The following CRADD variants were observed in gnomAD, a reference collection of about 807,000 sequenced individuals.
CRADD encodes the protein CARD and death domain containing adaptor protein.
A neutral mutation model predicts 15.5 loss-of-function variants in CRADD; 9 were observed. The observed-to-expected ratio is 0.58, with a 90% CI of 0.35 to 1.01. The LOEUF (loss-of-function observed/expected upper bound fraction) is 1.01. Ranked by LOEUF, CRADD falls within the 50% of genes least tolerant of loss-of-function variation. The pLI, the probability that CRADD is intolerant of heterozygous loss-of-function variation, is 0.02. For synonymous variants in CRADD, 118 were observed against 107.6 expected, an observed-to-expected ratio of 1.10 and a Z score of -0.60; for missense variants, 227 against 250.3, an observed-to-expected ratio of 0.91 and a Z score of 0.63.
Position 93,863,596 on chromosome 12 carries a change from T to TTGTGTGTGTGTG in CRADD, c.299-30417_299-30406dup, listed in dbSNP as rs1157061528. Among the ~76,000 whole-genome samples, 595 of 124,834 alleles carry TTGTGTGTGTGTG rather than the reference T, an allele frequency of 4.8e-3. 13 individuals carry two copies. The highest frequency in any genetic ancestry group is 0.017 in the East Asian group (67 of 4,026). 81.9% of individuals were successfully genotyped at this position (124,834 alleles called of 152,430 possible). On this transcript the variant is annotated intron_variant, in intron 2 of 2. Transcript: ENST00000548483. The stretch of plus-strand genomic sequence containing the variant: ...GGCCTTTGAAAATGTGTGGAGGCAT[T>TTGTGTGTGTGTG]TGTGTGTGTGTGTGTGTGTGTGTGT...
chr12:93,813,529 A>G (rs1354403048), intron 2 of CRADD, among the ~76,000 whole-genome samples: 1 of 152,138 alleles, frequency 6.6e-6, no homozygotes, highest in East Asian at 1.9e-4. Flanking sequence ...TTCACATTAT[A>G]TGTGTCAGTT....
At chr12:93,869,514 AC>A (rs1958400382) in intron 2 of CRADD, among the ~76,000 whole-genome samples, 1 of 152,218 alleles carries the variant, frequency 6.6e-6, no homozygotes, top group African/African-American at 2.4e-5. Flanking sequence ...TACAGAATTT[AC>A]AGGAAACAAT....
At chr12:93,697,494 T>C (rs989074738) in intron 2 of CRADD, among the ~76,000 whole-genome samples, 6 of 152,258 alleles carry the variant, frequency 3.9e-5, no homozygotes, top group South Asian at 2.1e-4. Context: ...CAATCTGTGA[T>C]ATTTTGTTAT....
intron 2 of CRADD, among the ~76,000 whole-genome samples, chr12:93,726,713 G>C (rs947639764): frequency 6.6e-6 from 1 of 151,780 alleles, no homozygotes; most frequent in African/African-American, 2.4e-5. Context: ...CTGCTGTGGA[G>C]CTTACCAGCT....
chr12:93,873,973 A>T (rs989393504), intron 2 of CRADD, among the ~76,000 whole-genome samples: 2 of 151,978 alleles, frequency 1.3e-5, no homozygotes, highest in Non-Finnish European at 2.9e-5. Flanking sequence ...TGAGTTTGGA[A>T]GTAGTCCCTC....
chr12:93,801,128 A>G (rs1957472598), intron 2 of CRADD, among the ~76,000 whole-genome samples: 1 of 152,242 alleles, frequency 6.6e-6, no homozygotes, highest in Admixed American at 6.5e-5. Flanking sequence ...AAAGCCTGTC[A>G]GTCCCATGTG....
At chr12:93,732,968 C>T (rs1226826536) in intron 2 of CRADD, among the ~76,000 whole-genome samples, 1 of 152,164 alleles carries the variant, frequency 6.6e-6, no homozygotes, top group Non-Finnish European at 1.5e-5. Context: ...TGGTTCTGCC[C>T]TTAACAACCT....
intron 2 of CRADD, among the ~76,000 whole-genome samples, chr12:93,731,874 C>T (rs183733182): frequency 1.1e-3 from 161 of 152,250 alleles, no homozygotes; most frequent in African/African-American, 3.1e-3. Context: ...TGGTGGCTCA[C>T]GCCTGTAATC....
chr12:93,726,952 C>T (rs1956378856), intron 2 of CRADD, among the ~76,000 whole-genome samples: 1 of 152,200 alleles, frequency 6.6e-6, no homozygotes, highest in Non-Finnish European at 1.5e-5. Flanking sequence ...AATTGCTCCT[C>T]TTTGTATTCC....
chr12:93,773,717 G>A (rs1170039336), intron 2 of CRADD, among the ~76,000 whole-genome samples: 1 of 151,350 alleles, frequency 6.6e-6, no homozygotes, highest in Non-Finnish European at 1.5e-5. Context: ...GGGAGAGAGT[G>A]AACATGGATT....
intron 2 of CRADD, among the ~76,000 whole-genome samples, chr12:93,794,484 T>C (rs755967384): frequency 5.3e-5 from 8 of 152,304 alleles, no homozygotes; most frequent in East Asian, 3.9e-4. Flanking sequence ...TTGATTGCTC[T>C]TTTTCCCTCA....
chr12:93,729,242 G>C (rs1956421686), intron 2 of CRADD, among the ~76,000 whole-genome samples: 1 of 152,212 alleles, frequency 6.6e-6, no homozygotes, highest in African/African-American at 2.4e-5. Flanking sequence ...TTTAATGCCA[G>C]GGTGGCACAT....
At chr12:93,889,389 A>G (rs879151937) in intron 2 of CRADD, among the ~76,000 whole-genome samples, 3 of 152,096 alleles carry the variant, frequency 2.0e-5, no homozygotes, top group Non-Finnish European at 4.4e-5. Context: ...CCACACTGTA[A>G]TTCCTCTGAG....
At chr12:93,798,500 C>T (rs1456975011) in intron 2 of CRADD, among the ~76,000 whole-genome samples, 2 of 152,086 alleles carry the variant, frequency 1.3e-5, no homozygotes, top group Non-Finnish European at 2.9e-5. Flanking sequence ...ATCAGCTCCT[C>T]CCTCCTCTCC....
At chr12:93,758,402 A>G (rs1019053901) in intron 2 of CRADD, among the ~76,000 whole-genome samples, 1 of 152,208 alleles carries the variant, frequency 6.6e-6, no homozygotes, top group African/African-American at 2.4e-5. Flanking sequence ...CTCTGAGTCA[A>G]TAACTAAATG....
intron 2 of CRADD, among the ~76,000 whole-genome samples, chr12:93,712,840 T>C (rs759455680): frequency 6.6e-6 from 1 of 152,088 alleles, no homozygotes; most frequent in East Asian, 1.9e-4. Context: ...CAGTGTTGTT[T>C]AGTGGGAAAG....
chr12:93,698,715 G>A (rs565630211), intron 2 of CRADD, among the ~76,000 whole-genome samples: 8 of 152,150 alleles, frequency 5.3e-5, no homozygotes, highest in Non-Finnish European at 8.8e-5. Flanking sequence ...TTCTGCCAGT[G>A]TCATTTTAAA....
intron 2 of CRADD, chr12:93,826,745 G>A (rs534502952): frequency 7.2e-5 from 11 of 152,312 alleles, no homozygotes; most frequent in African/African-American, 2.6e-4. Context: ...AGAACTTTCA[G>A]AGTATCACCA....
intron 2 of CRADD, among the ~76,000 whole-genome samples, chr12:93,760,521 A>T (rs1956941637): frequency 1.3e-5 from 2 of 152,172 alleles, no homozygotes; most frequent in Admixed American, 6.5e-5. Flanking sequence ...AAGATGTCTG[A>T]GATGTTAGAA....
Sources: allele counts gnomAD v4.1 joint callset (sites outside exome capture counted in the v4.1 genomes callset), GRCh38; gene constraint gnomAD v4.1.1; transcripts MANE v1.5; gene names NCBI Gene and HGNC (gene_info 2026-07-23, HGNC 2026-07-21).